The following DALRD3 variants were observed in gnomAD, a reference collection of about 807,000 sequenced individuals.
The protein encoded by DALRD3 is DALR anticodon-binding domain-containing protein 3.
In DALRD3, 47 loss-of-function variants were observed where a neutral mutation model predicts 56.7. That is an observed-to-expected ratio of 0.83 (90% CI 0.66 to 1.06). The LOEUF is 1.06. Ranked by LOEUF, DALRD3 falls within the 50% of genes least tolerant of loss-of-function variation. The pLI, the probability that DALRD3 is intolerant of heterozygous loss-of-function variation, is 0.00. For synonymous variants in DALRD3, 347 were observed against 308.5 expected (o/e 1.12, Z -1.31); for missense variants, 787 against 724.0 (o/e 1.09, Z -1.00).
chr3:49,018,658 G>C, upstream of DALRD3: 1 of 1,438,640 alleles, frequency 7.0e-7, no homozygotes, highest in Non-Finnish European at 9.1e-7. Flanking sequence ...TGCGGCGGTG[G>C]TCCCCGTAAG....
chr3:49,016,368 A>G (rs1379786679), intron 8 of DALRD3, 28 bp from the exon 9 acceptor site: 1 of 1,603,788 alleles, frequency 6.2e-7, no homozygotes, highest in African/African-American at 1.3e-5. Context: ...AGCTGCAGAG[A>G]GAGAAGGCAG....
At chr3:49,016,977 C>G (rs1423858222) in intron 5 of DALRD3, 130 bp from the exon 6 acceptor site, 1 of 1,110,352 alleles carries the variant, frequency 9.0e-7, no homozygotes, top group Non-Finnish European at 1.3e-6. Flanking sequence ...TGAGTGCCTC[C>G]GTCTACCCAG....
At chr3:49,018,632 C>T (rs2093123659), upstream of DALRD3, 2 of 1,462,316 alleles carry the variant, frequency 1.4e-6, no homozygotes, top group African/African-American at 1.5e-5. Flanking sequence ...AAAGGACCGA[C>T]TAGCTGGGGC....
upstream of DALRD3, among the ~76,000 whole-genome samples, chr3:49,019,966 T>C (rs904745966): frequency 2.6e-5 from 4 of 152,116 alleles, no homozygotes; most frequent in African/African-American, 9.7e-5. Flanking sequence ...CCCACAAAGG[T>C]TCCCAAATGT....
chr3:49,018,602 T>C, upstream of DALRD3: 1 of 1,511,118 alleles, frequency 6.6e-7, no homozygotes, highest in Non-Finnish European at 8.8e-7. Flanking sequence ...GAAAAAAATT[T>C]AGGGAGGTGG....
At chr3:49,016,590 A>G (rs762228824) in intron 7 of DALRD3, 22 bp downstream of exon 7, 4 of 1,587,080 alleles carry the variant, frequency 2.5e-6, no homozygotes, top group Non-Finnish European at 3.4e-6. Flanking sequence ...CCCAGAACAT[A>G]GCCAGGGTTT....
At chr3:49,016,385 C>T (rs1380525049) in intron 8 of DALRD3, 44 bp downstream of exon 8, 6 of 1,604,754 alleles carry the variant, frequency 3.7e-6, no homozygotes, top group Middle Eastern at 1.7e-4. Context: ...GCAGCCACCA[C>T]ACCCTGTGCC....
chr3:49,020,099 TG>T (rs1250212493), upstream of DALRD3: 5 of 531,592 alleles, frequency 9.4e-6, no homozygotes, highest in Non-Finnish European at 1.9e-5. Context: ...AGGAAAAGCT[TG>T]GCAAGGCCCC....
intron 6 of DALRD3, 46 bp downstream of exon 6, chr3:49,016,728 C>T (rs971529201): frequency 1.2e-6 from 2 of 1,613,412 alleles, no homozygotes; most frequent in Admixed American, 1.7e-5. Context: ...AAGAGTCCCC[C>T]CTCATTACCC....
Position 49,018,060 on chromosome 3 carries a change from C to T in DALRD3, c.424G>A (p.Val142Met), listed in dbSNP as rs1241717124. The part of the protein sequence containing the change: ...LRLSQLRTVL[V>M]ADHLARALRA... ...AGGGCTCGCGCCAGGTGATCGGCCACGAGCACCGTACGCAGCTGGCTCAAG... is the reference window on the plus strand; with the variant it reads ...AGGGCTCGCGCCAGGTGATCGGCCATGAGCACCGTACGCAGCTGGCTCAAG... Residue 142 changes from valine to methionine, a missense_variant, in exon 2 of 12, where the codon GTG (valine) becomes ATG (methionine). Coordinates refer to ENST00000341949, the MANE Select transcript of DALRD3 (RefSeq NM_001009996.3). 1 of 1,491,792 alleles carries T rather than the reference C, an allele frequency of 6.7e-7. No homozygotes were observed. The highest frequency in any genetic ancestry group is 8.8e-7 in the Non-Finnish European group (1 of 1,130,966). 92.4% of individuals were successfully genotyped at this position (1,491,792 alleles called of 1,614,324 possible).
At chr3:49,020,587 G>C (rs1334248992), upstream of DALRD3, 1 of 474,982 alleles carries the variant, frequency 2.1e-6, no homozygotes, top group Non-Finnish European at 4.4e-6. Flanking sequence ...CTGGGGGTCA[G>C]GGGCACCCCA....
rs769922382 is a variant in DALRD3, at chr3:49,016,764, C to CCTCA, written c.1001+6_1001+9dup. ...TGGCTTAGGTTGGTGTTCCTCCCAG[C>CCTCA]CTCACTCACTCGTAGTACTCAGGGG... On this transcript the variant is annotated intron_variant, in intron 6 of 11. Coordinates refer to ENST00000341949, the MANE Select transcript of DALRD3 (RefSeq NM_001009996.3). 18 of 1,614,082 alleles carry CCTCA rather than the reference C, an allele frequency of 1.1e-5. No individual in the cohort carries two copies. The highest frequency in any genetic ancestry group is 1.6e-4 in the Middle Eastern group (1 of 6,084).
In DALRD3 at chr3:49,016,470, T is replaced by A; in HGVS notation, c.1105A>T (p.Thr369Ser). The A allele has an allele frequency of 6.2e-7, 1 of 1,614,044 alleles. No homozygotes were observed. Among genetic ancestry groups the A allele is most frequent in the Non-Finnish European group, 8.5e-7 (1 of 1,179,990 alleles). The change falls in exon 8 of 12, where the codon ACC (threonine) becomes TCC (serine). Residue 369 changes from threonine (T) to serine (S), a missense_variant. Thr to Ser is a moderately conservative substitution (Grantham distance 58). Coordinates refer to ENST00000341949, the MANE Select transcript of DALRD3 (RefSeq NM_001009996.3). The stretch of plus-strand genomic sequence containing the variant: ...GTGCTCAGCATCTCAAACTTGATGG[T>A]GGCCACAGAGAGAACACCAAAGATC... ...TEIFGVLSVATIKFEMLSTAP... is the reference protein window; with the variant it reads ...TEIFGVLSVASIKFEMLSTAP...
chr3:49,018,629 CGACT>C (rs1244410102), upstream of DALRD3: 2 of 1,467,616 alleles, frequency 1.4e-6, no homozygotes, highest in Non-Finnish European at 1.8e-6. Context: ...CGGAAAGGAC[CGACT>C]AGCTGGGGCG....
chr3:49,017,201 G>C, intron 5 of DALRD3, 27 bp downstream of exon 5: 1 of 1,613,988 alleles, frequency 6.2e-7, no homozygotes, highest in Non-Finnish European at 8.5e-7. Context: ...TAGGTGGTGG[G>C]GAGCTCCACC....
At position 49,016,781 on chromosome 3, in the gene DALRD3, A is replaced by C. The variant is rs1470523300; in HGVS notation, c.994T>G (p.Tyr332Asp). 6 of 1,613,998 alleles carry C rather than the reference A, an allele frequency of 3.7e-6. No individual in the cohort carries two copies. The highest frequency in any genetic ancestry group is 5.1e-6 in the Non-Finnish European group (6 of 1,180,004). The change falls in exon 6 of 12, where the codon TAC becomes GAC. Residue 332 changes from tyrosine to aspartate, a missense_variant. Physicochemically the swap from Tyr to Asp is radical, Grantham distance 160 (BLOSUM62 -3). Transcript: ENST00000341949. ...CCTCCCAGCCTCACTCACTCGTAGTACTCAGGGGCAGTCATCAGAGTGCCA... is the reference window on the plus strand; with the variant it reads ...CCTCCCAGCCTCACTCACTCGTAGTCCTCAGGGGCAGTCATCAGAGTGCCA... ...APGTLMTAPE[Y>D]YEFRHTQVCK...
chr3:49,018,365 TC>T, intron 1 of DALRD3, 34 bp downstream of exon 1: 2 of 1,527,540 alleles, frequency 1.3e-6, no homozygotes, highest in Non-Finnish European at 1.8e-6. Flanking sequence ...GGGGCCCATC[TC>T]CCGGCCGCAC....
intron 10 of DALRD3, 32 bp downstream of exon 10, chr3:49,015,941 A>C (rs746812813): frequency 3.8e-5 from 61 of 1,614,148 alleles, no homozygotes; most frequent in Non-Finnish European, 4.9e-5. Flanking sequence ...TAAAGAATAG[A>C]GTGTAGAGTG....
chr3:49,020,793 G>A (rs1486706109), upstream of DALRD3: 1 of 402,228 alleles, frequency 2.5e-6, no homozygotes, highest in Non-Finnish European at 5.3e-6. Flanking sequence ...GTCCCAGGAG[G>A]AAGACCCGGG....
Sources: allele counts gnomAD v4.1 joint callset (sites outside exome capture counted in the v4.1 genomes callset), GRCh38; gene constraint gnomAD v4.1.1; transcripts MANE v1.5; gene names NCBI Gene and HGNC (gene_info 2026-07-23, HGNC 2026-07-21).